The following BCAS1 variants were observed in gnomAD, a reference collection of about 807,000 sequenced individuals.
The protein encoded by BCAS1 is brain enriched myelin associated protein 1.
A neutral mutation model predicts 65.4 loss-of-function variants in BCAS1; 46 were observed. The ratio of observed to expected loss-of-function variants is 0.70; its 90% CI spans 0.55 to 0.90. The LOEUF (loss-of-function observed/expected upper bound fraction) is 0.90, where lower values mean the gene tolerates loss of function less well. Ranked by LOEUF, BCAS1 falls within the 40% of genes least tolerant of loss-of-function variation. The pLI is 0.00. For missense variants in BCAS1, 793 were observed against 771.2 expected (o/e 1.03, Z -0.33); for synonymous variants, 298 against 293.5 (o/e 1.02, Z -0.16).
At chr20:53,977,539 A>G (rs148168096) in intron 8 of BCAS1, among the ~76,000 whole-genome samples, 11 of 152,268 alleles carry the variant, frequency 7.2e-5, no homozygotes, top group Non-Finnish European at 1.3e-4. Flanking sequence ...ACTAGTTTTT[A>G]TCTTTGATTG....
In BCAS1 at chr20:53,966,927, C is replaced by A; in HGVS notation, c.1464G>T (p.Leu488=). 1 of 1,611,368 alleles carries A rather than the reference C, an allele frequency of 6.2e-7. No homozygotes were observed. Among genetic ancestry groups the A allele is most frequent in the African/African-American group, 1.3e-5 (1 of 74,772 alleles). The change falls in exon 10 of 13, where the codon CTG becomes CTT. Residue 488 remains leucine, a synonymous_variant. Coordinates refer to ENST00000688948, the MANE Select transcript of BCAS1 (RefSeq NM_001366298.2). The part of the protein sequence containing the change: ...KREESKPRTS[L]MAFLRQMSVK... ...TTACCATTTGTCTGAGAAACGCCAT[C>A]AGAGAGGTTCTTGGTTTGCTTTCTT...
chr20:54,058,654 G>C lies in BCAS1; in HGVS notation c.65C>G (p.Thr22Ser), dbSNP rs759594832. The C allele has an allele frequency of 5.3e-6, 8 of 1,523,004 alleles. No homozygotes were observed. In the Admixed American group the frequency reaches 7.2e-5, roughly 14 times the overall value. 94.3% of individuals were successfully genotyped at this position (1,523,004 alleles called of 1,614,324 possible). ...TAATGGTTACTACACTACCTGGTAA[G>C]TCTCTGCTTCTGGTTCATTCTCTTG... ...EDQENEPEAETYQDNASALNG... is the reference protein window; with the variant it reads ...EDQENEPEAESYQDNASALNG... The change falls in exon 2 of 13, where the codon ACT (threonine) becomes AGT (serine). Residue 22 changes from threonine to serine, a missense_variant. Physicochemically the swap from Thr to Ser is moderately conservative, Grantham distance 58 (BLOSUM62 1). Coordinates refer to ENST00000688948, the MANE Select transcript of BCAS1 (RefSeq NM_001366298.2).
chr20:54,003,034 C>T (rs1355503456), intron 4 of BCAS1, among the ~76,000 whole-genome samples: 2 of 152,174 alleles, frequency 1.3e-5, no homozygotes, highest in Non-Finnish European at 2.9e-5. Flanking sequence ...CACCTCCCAG[C>T]TCCACTCACA....
chr20:54,025,411 A>G (rs1159421487), intron 4 of BCAS1, among the ~76,000 whole-genome samples: 1 of 152,208 alleles, frequency 6.6e-6, no homozygotes, highest in Admixed American at 6.5e-5. Flanking sequence ...CATATAATTT[A>G]TCTTTTCTTT....
At chr20:53,957,407 C>G (rs1461650775) in intron 11 of BCAS1, 25 bp downstream of exon 11, 3 of 1,602,246 alleles carry the variant, frequency 1.9e-6, no homozygotes, top group South Asian at 2.2e-5. Context: ...AATCCCACCA[C>G]CAAACTGAGT....
intron 1 of BCAS1, among the ~76,000 whole-genome samples, chr20:54,059,846 C>T (rs528596377): frequency 6.6e-6 from 1 of 152,310 alleles, no homozygotes; most frequent in Admixed American, 6.5e-5. Flanking sequence ...CATGTGACCA[C>T]TAAGTATATG....
chr20:53,953,040 A>G (rs1167310627), intron 12 of BCAS1, among the ~76,000 whole-genome samples: 7 of 152,208 alleles, frequency 4.6e-5, no homozygotes, highest in Non-Finnish European at 7.3e-5. Flanking sequence ...AGCATCTGCT[A>G]CGCACAAGAC....
At chr20:53,979,598 T>C (rs560236613) in intron 8 of BCAS1, among the ~76,000 whole-genome samples, 17 of 152,240 alleles carry the variant, frequency 1.1e-4, no homozygotes, top group African/African-American at 4.1e-4. Flanking sequence ...GTGGGATAAA[T>C]TGGCACGGAT....
At chr20:53,971,341 CA>C (rs1276442402) in intron 9 of BCAS1, among the ~76,000 whole-genome samples, 1 of 152,200 alleles carries the variant, frequency 6.6e-6, no homozygotes, top group African/African-American at 2.4e-5. Context: ...CTGACCTCAG[CA>C]GGAAGAGGCC....
chr20:53,946,505 G>GTATATATA (rs71196434), intron 12 of BCAS1, among the ~76,000 whole-genome samples: 14,456 of 145,744 alleles, frequency 0.099, 793 homozygotes, highest in South Asian at 0.2. Context: ...ATTGTATACA[G>GTATATATA]TATATATATA....
intron 4 of BCAS1, among the ~76,000 whole-genome samples, chr20:54,007,792 A>G (rs766633517): frequency 6.6e-6 from 1 of 152,168 alleles, no homozygotes; most frequent in Non-Finnish European, 1.5e-5. Context: ...TGGGGCACAC[A>G]CACTTTCTCC....
intron 3 of BCAS1, among the ~76,000 whole-genome samples, chr20:54,045,556 T>G (rs1457260215): frequency 6.6e-6 from 1 of 152,336 alleles, no homozygotes; most frequent in Non-Finnish European, 1.5e-5. Context: ...ATAAATGAGC[T>G]AAACCTTGCT....
intron 2 of BCAS1, 109 bp downstream of exon 2, chr20:54,058,538 A>G (rs562335890): frequency 1.3e-6 from 2 of 1,512,926 alleles, no homozygotes; most frequent in Admixed American, 4.4e-5. Flanking sequence ...ACACACAGAC[A>G]CAATCAATCA....
chr20:53,964,690 T>G (rs573121218), intron 10 of BCAS1, among the ~76,000 whole-genome samples: 16 of 152,356 alleles, frequency 1.1e-4, no homozygotes, highest in African/African-American at 3.8e-4. Context: ...GCCAAAAACT[T>G]TTCCCAAACA....
chr20:54,041,535 C>A (rs1472174313), intron 3 of BCAS1, among the ~76,000 whole-genome samples: 1 of 151,852 alleles, frequency 6.6e-6, no homozygotes, highest in African/African-American at 2.4e-5. Flanking sequence ...CTTTCCCTTG[C>A]CAAATTGGTT....
intron 3 of BCAS1, among the ~76,000 whole-genome samples, chr20:54,042,510 A>G (rs1449153353): frequency 6.6e-6 from 1 of 152,216 alleles, no homozygotes; most frequent in African/African-American, 2.4e-5. Flanking sequence ...CACGTACAGT[A>G]TGTTTCCATT....
At chr20:53,957,233 A>G (rs2145548590) in intron 11 of BCAS1, among the ~76,000 whole-genome samples, 199 bp downstream of exon 11, 1 of 152,344 alleles carries the variant, frequency 6.6e-6, no homozygotes, top group Non-Finnish European at 1.5e-5. Flanking sequence ...AAGTTTTTTG[A>G]TAGGATAAAG....
intron 4 of BCAS1, among the ~76,000 whole-genome samples, chr20:54,026,415 T>C (rs1402500283): frequency 6.6e-6 from 1 of 152,224 alleles, no homozygotes; most frequent in Non-Finnish European, 1.5e-5. Context: ...AGATTGAGTG[T>C]GTCGAGGTTT....
At chr20:53,998,265 G>A (rs1291626133) in intron 4 of BCAS1, among the ~76,000 whole-genome samples, 1 of 152,108 alleles carries the variant, frequency 6.6e-6, no homozygotes, top group Admixed American at 6.5e-5. Context: ...CATTTTAATG[G>A]ACGATTGTAT....
Sources: gnomAD v4.1 joint callset for allele counts (sites outside exome capture counted in the v4.1 genomes callset) on GRCh38, gnomAD v4.1.1 for gene constraint, MANE v1.5 for transcripts, NCBI Gene and HGNC (gene_info 2026-07-23, HGNC 2026-07-21) for gene names.